POU6F2: variants seen among roughly 807,000 people sequenced by gnomAD.
The protein encoded by POU6F2 is POU class 6 homeobox 2, also known as POU domain, class 6, transcription factor 2.
POU6F2 carries 31 observed loss-of-function variants against 71.3 expected under a neutral mutation model. That is an observed-to-expected ratio of 0.43 (90% CI 0.33 to 0.59). POU6F2 has a LOEUF of 0.59. Ranked by LOEUF, POU6F2 falls within the 20% of genes least tolerant of loss-of-function variation. The pLI is 0.04. For missense variants in POU6F2, 783 were observed against 856.8 expected, an observed-to-expected ratio of 0.91 and a Z score of 1.07; for synonymous variants, 347 against 355.7, an observed-to-expected ratio of 0.98 and a Z score of 0.27.
intron 1 of POU6F2, among the ~76,000 whole-genome samples, chr7:39,025,495 G>A (rs1037625321): frequency 3.3e-5 from 5 of 152,078 alleles, no homozygotes; most frequent in African/African-American, 1.2e-4. Context: ...ACAGGCAATG[G>A]GGAAAGGATT....
At chr7:39,403,622 C>T (rs911688332) in intron 5 of POU6F2, among the ~76,000 whole-genome samples, 4 of 152,258 alleles carry the variant, frequency 2.6e-5, no homozygotes, top group Admixed American at 2.0e-4. Flanking sequence ...CAAATCTACC[C>T]GGAGTCTCCA....
At chr7:39,088,488 G>T (rs962179690) in intron 2 of POU6F2, among the ~76,000 whole-genome samples, 2 of 152,028 alleles carry the variant, frequency 1.3e-5, no homozygotes, top group African/African-American at 2.4e-5. Flanking sequence ...TTTGTTTTTA[G>T]ATGTAGTCCT....
intron 4 of POU6F2, among the ~76,000 whole-genome samples, chr7:39,338,443 C>T (rs2115607502): frequency 6.6e-6 from 1 of 152,306 alleles, no homozygotes; most frequent in South Asian, 2.1e-4. Context: ...GCAAGGCAGG[C>T]CACACACTGG....
chr7:39,297,616 C>T (rs1784875409), intron 4 of POU6F2, among the ~76,000 whole-genome samples: 1 of 151,730 alleles, frequency 6.6e-6, no homozygotes. Flanking sequence ...AAGTATGTGT[C>T]TTGATGGATA....
At chr7:39,238,113 C>T (rs937265080) in intron 4 of POU6F2, among the ~76,000 whole-genome samples, 3 of 152,104 alleles carry the variant, frequency 2.0e-5, no homozygotes, top group Non-Finnish European at 4.4e-5. Flanking sequence ...GGTTCGCTCA[C>T]GGGTCCCTAA....
intron 1 of POU6F2, among the ~76,000 whole-genome samples, chr7:39,010,878 G>A (rs980573037): frequency 1.3e-5 from 2 of 151,638 alleles, no homozygotes; most frequent in African/African-American, 4.9e-5. Context: ...ATTGCACTGT[G>A]GTCTGAGAGA....
At chr7:39,236,537 T>C (rs1794680175) in intron 4 of POU6F2, among the ~76,000 whole-genome samples, 1 of 152,208 alleles carries the variant, frequency 6.6e-6, no homozygotes, top group Non-Finnish European at 1.5e-5. Flanking sequence ...TTTCACACCT[T>C]GTCCGCATCT....
At chr7:39,085,238 C>T in intron 1 of POU6F2, 1 of 152,062 alleles carries the variant, frequency 6.6e-6, no homozygotes, top group African/African-American at 2.4e-5. Context: ...GCTCCGGTTC[C>T]CAATCTGGGA....
At chr7:39,435,878 T>C (rs1219072117) in intron 7 of POU6F2, among the ~76,000 whole-genome samples, 1 of 152,234 alleles carries the variant, frequency 6.6e-6, no homozygotes, top group African/African-American at 2.4e-5. Flanking sequence ...ATTTATTAAA[T>C]AGGGAATCCT....
intron 1 of POU6F2, among the ~76,000 whole-genome samples, chr7:39,038,685 C>T (rs903227637): frequency 6.6e-6 from 1 of 152,004 alleles, no homozygotes; most frequent in Non-Finnish European, 1.5e-5. Context: ...TGCTGTTAAA[C>T]TGCTGAAACC....
At chr7:39,055,287 C>A (rs1162158160) in intron 1 of POU6F2, among the ~76,000 whole-genome samples, 2 of 152,118 alleles carry the variant, frequency 1.3e-5, no homozygotes, top group Non-Finnish European at 2.9e-5. Context: ...TCTTTTACAA[C>A]TTTCTCTTTG....
rs1789031352 is a variant in POU6F2 at position 39,464,781 on chromosome 7, T to TTTAAA, written c.*96_*100dup. 1 of 1,367,366 alleles carries TTTAAA rather than the reference T, an allele frequency of 7.3e-7. No individual in the cohort carries two copies. The highest frequency in any genetic ancestry group is 1.5e-5 in the African/African-American group (1 of 68,248). The allele number at this position is 1,367,366 out of a possible 1,614,324, so 84.7% of individuals were successfully genotyped here. A position where few individuals can be genotyped will look rare whatever the true frequency, so the allele number is the denominator to read the frequency against. On this transcript the variant is annotated 3_prime_UTR_variant, in exon 10 of 10. Transcript: ENST00000518318. This position sits in a 1 kb window ranked among gnomAD's most constrained non-coding sequence, Gnocchi z 4.1. The stretch of plus-strand genomic sequence containing the variant: ...ACAACAACAACAAAATTTAATTTAA[T>TTTAAA]TTAAAAATAGCCCCAGTCGTCATCA...
In POU6F2 at chr7:39,466,701, A is replaced by G. The variant is rs569384045; in HGVS notation, c.*2015A>G. ...GTCCCCTCCAATGATTCATGCAGCA[A>G]TCAAGAGACTACCAGCAAGGAAACT... On this transcript the variant is annotated 3_prime_UTR_variant, in exon 10 of 10. Transcript: ENST00000518318. The G allele has an allele frequency of 7.9e-5, 12 of 152,338 alleles. No homozygotes were observed. The highest frequency in any genetic ancestry group is 6.5e-4 in the Admixed American group (10 of 15,306). The allele number at this position is 152,338 out of a possible 1,614,324, so 9.4% of individuals were successfully genotyped here. A position where few individuals can be genotyped will look rare whatever the true frequency, so the allele number is the denominator to read the frequency against.
At chr7:39,381,494 G>A (rs1043152208) in intron 5 of POU6F2, among the ~76,000 whole-genome samples, 5 of 151,708 alleles carry the variant, frequency 3.3e-5, no homozygotes, top group African/African-American at 7.3e-5. Flanking sequence ...TGCCCACCTC[G>A]GCCTCCCAAA....
At chr7:39,415,063 G>A (rs1174577260) in intron 6 of POU6F2, among the ~76,000 whole-genome samples, 1 of 152,034 alleles carries the variant, frequency 6.6e-6, no homozygotes, top group Non-Finnish European at 1.5e-5. Flanking sequence ...CACTCTTGTT[G>A]CCTAGGCTGG....
At chr7:39,198,058 C>T (rs1793822608) in intron 2 of POU6F2, among the ~76,000 whole-genome samples, 1 of 152,208 alleles carries the variant, frequency 6.6e-6, no homozygotes, top group South Asian at 2.1e-4. Flanking sequence ...TGATGACTAT[C>T]TCCTTTTTTC....
chr7:39,159,661 G>A (rs917571554), intron 2 of POU6F2, among the ~76,000 whole-genome samples: 1 of 152,140 alleles, frequency 6.6e-6, no homozygotes, highest in Non-Finnish European at 1.5e-5. Flanking sequence ...ATTATACTAG[G>A]TACTGTGGTG....
intron 4 of POU6F2, among the ~76,000 whole-genome samples, chr7:39,289,460 A>C (rs1387377642): frequency 6.6e-6 from 1 of 152,238 alleles, no homozygotes; most frequent in Non-Finnish European, 1.5e-5. Context: ...TGTTTTACCT[A>C]AAAGCGGGAC....
At chr7:39,200,507 C>T (rs1184085082) in intron 2 of POU6F2, among the ~76,000 whole-genome samples, 1 of 152,124 alleles carries the variant, frequency 6.6e-6, no homozygotes, top group East Asian at 1.9e-4. Flanking sequence ...GCTTTGTAGG[C>T]TCTTCAGGAC....
Sources: gnomAD v4.1 joint callset for allele counts (sites outside exome capture counted in the v4.1 genomes callset) on GRCh38, gnomAD v4.1.1 for gene constraint, Gnocchi (gnomAD v3.1) non-coding constraint, MANE v1.5 for transcripts, NCBI Gene and HGNC (gene_info 2026-07-23, HGNC 2026-07-21) for gene names.